Variants in SLC4A4 observed in about 807,000 individuals in gnomAD.
The protein encoded by SLC4A4 is electrogenic sodium bicarbonate cotransporter 1.
Under a neutral mutation model 111.5 loss-of-function variants are expected in SLC4A4, and 27 were observed. That is an observed-to-expected ratio of 0.24 (90% CI 0.18 to 0.33). The LOEUF is 0.33. SLC4A4 is among the 10% of genes least tolerant of loss of function. SLC4A4 has a pLI of 1.00. For missense variants in SLC4A4, 909 were observed against 1,315.5 expected, an observed-to-expected ratio of 0.69 and a Z score of 4.78; for synonymous variants, 443 against 463.4, an observed-to-expected ratio of 0.96 and a Z score of 0.57.
At chr4:71,437,785 A>G (rs74340193) in intron 7 of SLC4A4, 8,272 of 274,988 alleles carry the variant, frequency 0.03, 429 homozygotes, top group East Asian at 0.14. Flanking sequence ...CATCTTGGAA[A>G]TGGGAGTGAA....
At chr4:71,268,073 G>GTGT (rs1722421080) in intron 3 of SLC4A4, among the ~76,000 whole-genome samples, 1 of 43,118 alleles carries the variant, frequency 2.3e-5, no homozygotes, top group Admixed American at 4.2e-4. Context: ...AAATAAAGTA[G>GTGT]TGTTTTTTTT....
intron 7 of SLC4A4, among the ~76,000 whole-genome samples, chr4:71,410,748 G>A (rs1017191336): frequency 6.6e-6 from 1 of 151,964 alleles, no homozygotes; most frequent in Admixed American, 6.6e-5. Flanking sequence ...GGTTTTTTTG[G>A]TTTTTGTTTT....
intron 6 of SLC4A4, among the ~76,000 whole-genome samples, chr4:71,374,336 A>G (rs1732150250): frequency 6.6e-6 from 1 of 152,214 alleles, no homozygotes; most frequent in Non-Finnish European, 1.5e-5. Flanking sequence ...AATTCCAAGT[A>G]CAACTTTAAA....
At chr4:71,364,474 T>C (rs1731066131) in intron 6 of SLC4A4, among the ~76,000 whole-genome samples, 1 of 152,186 alleles carries the variant, frequency 6.6e-6, no homozygotes, top group South Asian at 2.1e-4. Flanking sequence ...AATTTATTGC[T>C]CACAATTCTG....
At chr4:71,109,214 T>A (rs537933080) in intron 2 of SLC4A4, among the ~76,000 whole-genome samples, 4 of 152,326 alleles carry the variant, frequency 2.6e-5, no homozygotes, top group Non-Finnish European at 4.4e-5. Flanking sequence ...GAACTGAAGA[T>A]CTTTTCAGAG....
chr4:71,427,615 A>G (rs1723264470), intron 7 of SLC4A4, among the ~76,000 whole-genome samples: 3 of 151,988 alleles, frequency 2.0e-5, no homozygotes, highest in African/African-American at 7.2e-5. Flanking sequence ...ACAACTTCTG[A>G]TTAAATGTCA....
At chr4:71,443,118 A>C (rs10018193) in intron 8 of SLC4A4, among the ~76,000 whole-genome samples, 20,745 of 41,112 alleles carry the variant, frequency 0.5, 3,153 homozygotes, top group Non-Finnish European at 0.53. Flanking sequence ...CTCTCTCTCT[A>C]TATATATATA....
chr4:71,257,720 C>A (rs1721560380), intron 3 of SLC4A4, among the ~76,000 whole-genome samples: 1 of 152,166 alleles, frequency 6.6e-6, no homozygotes, highest in South Asian at 2.1e-4. Flanking sequence ...CATAGACATA[C>A]CACGTCCCAT....
At chr4:71,062,704 G>C (rs983754537) in exon 1 of SLC4A4, among the ~76,000 whole-genome samples, 1 of 152,202 alleles carries the variant, frequency 6.6e-6, no homozygotes, top group Admixed American at 6.5e-5. Context: ...AAGAAGCTTA[G>C]AAGGTAGAAA....
chr4:71,449,716 T>C (rs1315397669), intron 9 of SLC4A4, among the ~76,000 whole-genome samples: 1 of 152,186 alleles, frequency 6.6e-6, no homozygotes, highest in Non-Finnish European at 1.5e-5. Context: ...TCAGCTCTGT[T>C]AGAAAAATGG....
At chr4:71,173,867 AAAC>A (rs1328967651) in intron 2 of SLC4A4, among the ~76,000 whole-genome samples, 2 of 152,222 alleles carry the variant, frequency 1.3e-5, no homozygotes, top group Non-Finnish European at 2.9e-5. Flanking sequence ...AAAATAAATA[AAAC>A]AACAAGAAAG....
intron 1 of SLC4A4, among the ~76,000 whole-genome samples, chr4:71,078,554 A>T (rs978791301): frequency 6.6e-6 from 1 of 152,150 alleles, no homozygotes; most frequent in African/African-American, 2.4e-5. Context: ...AGTTAGAATG[A>T]TTTTAAAAAA....
chr4:71,329,319 A>G (rs184082750), intron 3 of SLC4A4, among the ~76,000 whole-genome samples: 3 of 152,008 alleles, frequency 2.0e-5, no homozygotes, highest in Non-Finnish European at 2.9e-5. Flanking sequence ...TTGTGGTTCC[A>G]TATAGATTGT....
chr4:71,159,352 T>C (rs1261896188), intron 2 of SLC4A4, among the ~76,000 whole-genome samples: 1 of 152,146 alleles, frequency 6.6e-6, no homozygotes, highest in Non-Finnish European at 1.5e-5. Context: ...TTTTATTGAC[T>C]TGGGTAAATA....
rs187777155 is a variant in SLC4A4, at chr4:71,419,648, C to T, written c.808-20968C>T. On this transcript the variant is annotated intron_variant, in intron 7 of 25. Coordinates refer to ENST00000264485, the MANE Select transcript of SLC4A4 (RefSeq NM_001098484.3). ...GAACTCGCTGACCCCTTGTGCTTCC[C>T]GAGTGAGGCAATGCCTTGCCCTCCT... Among the ~76,000 whole-genome samples the T allele has an allele frequency of 6.8e-4, 104 of 152,332 alleles. 1 individual carries two copies. Among genetic ancestry groups the T allele is most frequent in the East Asian group, 1.9e-3 (10 of 5,176 alleles).
chr4:71,523,902 G>A (rs999376311), intron 16 of SLC4A4, among the ~76,000 whole-genome samples: 1 of 152,074 alleles, frequency 6.6e-6, no homozygotes, highest in Non-Finnish European at 1.5e-5. Flanking sequence ...GAATTTTAGT[G>A]TTAGGACTTT....
At chr4:71,477,273 C>T (rs182043237) in intron 14 of SLC4A4, among the ~76,000 whole-genome samples, 144 of 151,798 alleles carry the variant, frequency 9.5e-4, no homozygotes, top group Non-Finnish European at 1.8e-3. Flanking sequence ...TAGTTTGGCA[C>T]CTAATGGACA....
intron 1 of SLC4A4, among the ~76,000 whole-genome samples, chr4:71,090,868 AG>A (rs1192290580): frequency 6.6e-6 from 1 of 152,224 alleles, no homozygotes; most frequent in Non-Finnish European, 1.5e-5. Context: ...TGCAGAAGGA[AG>A]TTGGGCCAAA....
intron 3 of SLC4A4, among the ~76,000 whole-genome samples, chr4:71,280,179 A>C (rs754818105): frequency 8.5e-5 from 13 of 152,218 alleles, no homozygotes; most frequent in Non-Finnish European, 1.9e-4. Context: ...GTGATGTTGA[A>C]CATTTTCAGA....
Sources: allele counts gnomAD v4.1 joint callset (sites outside exome capture counted in the v4.1 genomes callset), GRCh38; gene constraint gnomAD v4.1.1; transcripts MANE v1.5; gene names NCBI Gene and HGNC (gene_info 2026-07-23, HGNC 2026-07-21).